TYW2: variants seen among roughly 807,000 people sequenced by gnomAD.
TYW2 encodes the protein tRNA wybutosine-synthesizing protein 2, also known as tRNA wybutosine-synthesizing protein 2 homolog.
chr8:124,451,462 G>T, the TYW2 span: 2 of 1,614,208 alleles, frequency 1.2e-6, no homozygotes, highest in Non-Finnish European at 1.7e-6. Flanking sequence ...ACGAGGGCGG[G>T]TATCACCGGA....
the TYW2 span, chr8:124,452,538 A>G: frequency 2.3e-6 from 1 of 437,840 alleles, no homozygotes; most frequent in Non-Finnish European, 4.2e-6. Context: ...TTCTGACCTC[A>G]GTTCTGGAAT....
chr8:124,451,759 C>T, the TYW2 span: 1 of 1,614,130 alleles, frequency 6.2e-7, no homozygotes, highest in Non-Finnish European at 8.5e-7. Context: ...GAGAAATAAC[C>T]TTGAGATCAA....
chr8:124,451,093 T>A, the TYW2 span: 1 of 1,614,046 alleles, frequency 6.2e-7, no homozygotes, highest in Non-Finnish European at 8.5e-7. Context: ...GCCGGATGGC[T>A]CGGTGGCGCT....
At chr8:124,451,763 A>C in the TYW2 span, 1 of 1,614,166 alleles carries the variant, frequency 6.2e-7, no homozygotes, top group South Asian at 1.1e-5. Flanking sequence ...AATAACCTTG[A>C]GATCAATGGA....
At chr8:124,451,293 G>A in the TYW2 span, 1 of 1,614,198 alleles carries the variant, frequency 6.2e-7, no homozygotes, top group Non-Finnish European at 8.5e-7. Context: ...GAGTCAAGTG[G>A]TCAGCCGAGT....
At chr8:124,450,846 A>T in the TYW2 span, 2 of 1,494,182 alleles carry the variant, frequency 1.3e-6, no homozygotes, top group South Asian at 2.6e-5. Flanking sequence ...TGGCCGGGTG[A>T]GCTGCAGGCT....
chr8:124,450,997 G>A, the TYW2 span: 3 of 1,614,216 alleles, frequency 1.9e-6, no homozygotes, highest in South Asian at 3.3e-5. Flanking sequence ...TGTCGCAGTT[G>A]TGACTGAGCC....
the TYW2 span, chr8:124,451,607 G>A: frequency 4.3e-6 from 7 of 1,614,176 alleles, no homozygotes; most frequent in South Asian, 4.4e-5. Flanking sequence ...GAGAAGCTTC[G>A]AGTGGCATCG....
chr8:124,451,261 A>AGGGT, the TYW2 span: 3 of 1,614,080 alleles, frequency 1.9e-6, no homozygotes, highest in Non-Finnish European at 1.7e-6. Context: ...TCTTGAGGTG[A>AGGGT]GTCGCTGGGT....
the TYW2 span, chr8:124,451,541 G>C: frequency 1.2e-6 from 2 of 1,614,192 alleles, no homozygotes; most frequent in South Asian, 2.2e-5. Context: ...GTGGATAATG[G>C]TATCCGTTAT....
At chr8:124,452,346 G>T in the TYW2 span, 1 of 1,502,174 alleles carries the variant, frequency 6.7e-7, no homozygotes, top group Non-Finnish European at 9.0e-7. Flanking sequence ...AGTCCAGGTT[G>T]TCATCCCTTT....
At chr8:124,450,857 A>T in the TYW2 span, 751,703 of 1,526,984 alleles carry the variant, frequency 0.49, 188,107 homozygotes, top group African/African-American at 0.72. Context: ...GCTGCAGGCT[A>T]CCTTATTTAA....
the TYW2 span, chr8:124,451,276 G>T: frequency 1.7e-5 from 28 of 1,614,024 alleles, no homozygotes; most frequent in Non-Finnish European, 2.2e-5. Flanking sequence ...CTGGGTGGAG[G>T]GTCGGGGAGT....
chr8:124,451,260 G>A, the TYW2 span: 1 of 1,614,204 alleles, frequency 6.2e-7, no homozygotes, highest in Non-Finnish European at 8.5e-7. Context: ...GTCTTGAGGT[G>A]AGTCGCTGGG....
chr8:124,451,161 T>C, the TYW2 span: 1 of 1,614,200 alleles, frequency 6.2e-7, no homozygotes. Context: ...GGAATCGTGT[T>C]GCCCCAGGCA....
chr8:124,452,408 C>G, the TYW2 span: 1 of 819,138 alleles, frequency 1.2e-6, no homozygotes, highest in Non-Finnish European at 1.9e-6. Context: ...AAAGCAGGCT[C>G]TAGATCAATT....
the TYW2 span, chr8:124,452,037 A>G: frequency 1.2e-6 from 2 of 1,614,064 alleles, no homozygotes; most frequent in East Asian, 2.2e-5. Flanking sequence ...CCACCAACCA[A>G]TGGAAAAATG....
chr8:124,450,947 T>G, the TYW2 span: 1 of 1,613,812 alleles, frequency 6.2e-7, no homozygotes, highest in Non-Finnish European at 8.5e-7. Context: ...AATGTGGTTG[T>G]TAGCAACATG....
the TYW2 span, chr8:124,452,319 C>T: frequency 6.3e-7 from 1 of 1,586,342 alleles, no homozygotes; most frequent in African/African-American, 1.3e-5. Flanking sequence ...GCGAGTGGCC[C>T]TTAAATGTAT....
Sources: allele counts gnomAD v4.1 joint callset, GRCh38; gene constraint gnomAD v4.1.1; transcripts MANE v1.5; gene names NCBI Gene and HGNC (gene_info 2026-07-23, HGNC 2026-07-21).